Variants in FHIT observed in about 807,000 individuals in gnomAD.
The protein encoded by FHIT is fragile histidine triad diadenosine triphosphatase.
In FHIT, 19 loss-of-function variants were observed where a neutral mutation model predicts 17.9. That is an observed-to-expected ratio of 1.06 (90% CI 0.74 to 1.56). The LOEUF is 1.56. Ranked by LOEUF, FHIT falls within the 40% of genes most tolerant of loss-of-function variation. FHIT has a pLI of 0.00. For synonymous variants in FHIT, 81 were observed against 69.7 expected, an observed-to-expected ratio of 1.16 and a Z score of -0.81; for missense variants, 248 against 189.2, an observed-to-expected ratio of 1.31 and a Z score of -1.82.
At chr3:60,274,139 G>C (rs928009188) in intron 5 of FHIT, among the ~76,000 whole-genome samples, 3 of 152,048 alleles carry the variant, frequency 2.0e-5, no homozygotes, top group Non-Finnish European at 4.4e-5. Flanking sequence ...AGTTCAGCTT[G>C]AAAGTTCATC....
chr3:59,864,495 A>G (rs1702547251), intron 8 of FHIT, among the ~76,000 whole-genome samples: 2 of 152,056 alleles, frequency 1.3e-5, no homozygotes, highest in African/African-American at 2.4e-5. Flanking sequence ...TATCAGCAGC[A>G]TGAAAACAGA....
At chr3:60,259,014 G>A (rs1706159347) in intron 5 of FHIT, among the ~76,000 whole-genome samples, 1 of 151,118 alleles carries the variant, frequency 6.6e-6, no homozygotes, top group East Asian at 2.0e-4. Context: ...ATATCAAGAT[G>A]CCATATTTTG....
At chr3:60,060,762 G>A (rs1702264586) in intron 5 of FHIT, among the ~76,000 whole-genome samples, 1 of 152,138 alleles carries the variant, frequency 6.6e-6, no homozygotes, top group East Asian at 1.9e-4. Context: ...GAATGGTTTT[G>A]GTTTGTTTTC....
chr3:60,632,773 G>C (rs2039479699), intron 4 of FHIT, among the ~76,000 whole-genome samples: 1 of 151,830 alleles, frequency 6.6e-6, no homozygotes, highest in African/African-American at 2.4e-5. Flanking sequence ...TGTCACCGAG[G>C]AAAGGGTTAA....
intron 4 of FHIT, among the ~76,000 whole-genome samples, chr3:60,700,095 C>A (rs1553701731): frequency 6.8e-6 from 1 of 147,210 alleles, no homozygotes; most frequent in East Asian, 2.0e-4. Context: ...CACGCCACTG[C>A]ACTCCAGCCT....
chr3:60,097,799 G>T, intron 5 of FHIT, among the ~76,000 whole-genome samples: 1 of 149,064 alleles, frequency 6.7e-6, no homozygotes, highest in Admixed American at 6.7e-5. Flanking sequence ...GTGCCATGTT[G>T]GTGTGCTGCA....
At chr3:60,393,317 C>T (rs1262230938) in intron 5 of FHIT, among the ~76,000 whole-genome samples, 1 of 151,700 alleles carries the variant, frequency 6.6e-6, no homozygotes, top group African/African-American at 2.4e-5. Context: ...CTATTTTCCA[C>T]AAACTTTTTG....
chr3:60,388,785 T>G (rs990610207), intron 5 of FHIT, among the ~76,000 whole-genome samples: 2 of 152,224 alleles, frequency 1.3e-5, no homozygotes, highest in Non-Finnish European at 2.9e-5. Context: ...GTTCCAAGTT[T>G]CCATGCAGCA....
chr3:61,011,681 G>C (rs972838702), intron 3 of FHIT, among the ~76,000 whole-genome samples: 11 of 152,076 alleles, frequency 7.2e-5, no homozygotes, highest in Non-Finnish European at 2.9e-5. Flanking sequence ...GGGTATCATG[G>C]GGATGACAAT....
intron 3 of FHIT, among the ~76,000 whole-genome samples, chr3:60,965,302 C>T (rs1379920558): frequency 2.0e-5 from 3 of 152,178 alleles, no homozygotes; most frequent in African/African-American, 7.2e-5. Context: ...AAGTTCTTCT[C>T]TACACTGATT....
rs184665170 is a variant in FHIT, at chr3:60,714,672, C to A, written c.-18+107247G>T. The stretch of plus-strand genomic sequence containing the variant: ...AACAGAGAGCCAAATCATGAGTGAA[C>A]TCCCATTCACAACTGCTTCAAAGAG... On this transcript the variant is annotated intron_variant, in intron 4 of 9. Coordinates refer to ENST00000492590, the MANE Select transcript of FHIT (RefSeq NM_002012.4). Among the ~76,000 whole-genome samples, 1,196 of 152,224 alleles carry A rather than the reference C, an allele frequency of 7.9e-3. 9 individuals are homozygous for A. The highest frequency in any genetic ancestry group is 0.01 in the Middle Eastern group (3 of 294).
chr3:60,585,778 T>C (rs1476296179), intron 4 of FHIT, among the ~76,000 whole-genome samples: 2 of 152,052 alleles, frequency 1.3e-5, no homozygotes, highest in East Asian at 1.9e-4. Flanking sequence ...TCATTGTCAA[T>C]GAAAATATAT....
chr3:60,880,047 C>T lies in FHIT; in HGVS notation c.-110-58036G>A, dbSNP rs957960516. Among the ~76,000 whole-genome samples the T allele has an allele frequency of 2.0e-5, 3 of 151,982 alleles. No homozygotes were observed. In the South Asian group the frequency reaches 6.2e-4, roughly 31 times the overall value. ...TACAGATCCAGGAAACTCAAAGGTTCCCGAATAGATTCAAGCCCTGATGCA... is the reference window on the plus strand; with the variant it reads ...TACAGATCCAGGAAACTCAAAGGTTTCCGAATAGATTCAAGCCCTGATGCA... On this transcript the variant is annotated intron_variant, in intron 3 of 9. Transcript: ENST00000492590.
intron 7 of FHIT, among the ~76,000 whole-genome samples, chr3:59,951,523 C>T (rs535714768): frequency 1.1e-4 from 17 of 152,308 alleles, no homozygotes; most frequent in Non-Finnish European, 1.3e-4. Context: ...CATCAGTTTG[C>T]GATGCCTCAG....
chr3:60,000,820 C>T (rs1470477021), intron 7 of FHIT, among the ~76,000 whole-genome samples: 2 of 152,110 alleles, frequency 1.3e-5, no homozygotes, highest in Non-Finnish European at 2.9e-5. Context: ...CAGCATAAGT[C>T]CCAGTGTAAC....
chr3:60,346,489 G>C (rs1710787304), intron 5 of FHIT, among the ~76,000 whole-genome samples: 1 of 152,192 alleles, frequency 6.6e-6, no homozygotes, highest in Non-Finnish European at 1.5e-5. Context: ...CTTACCCAGG[G>C]GAGGAGCCTG....
chr3:60,618,488 G>A (rs1365827876), intron 4 of FHIT, among the ~76,000 whole-genome samples: 1 of 152,064 alleles, frequency 6.6e-6, no homozygotes, highest in East Asian at 1.9e-4. Context: ...ATGTGTTGAC[G>A]TGTGCTCATT....
At chr3:59,982,528 C>T (rs1005039443) in intron 7 of FHIT, among the ~76,000 whole-genome samples, 14 of 152,140 alleles carry the variant, frequency 9.2e-5, no homozygotes, top group Non-Finnish European at 1.5e-5. Context: ...TTTGGCCTTC[C>T]AGCTAAGATC....
In FHIT at chr3:60,085,476, T is replaced by C. The variant is rs17062124; in HGVS notation, c.104-71324A>G. ...TGTATATATTCCAAGATGTTTAATA[T>C]TGCTTTCCTGACAGTAGGGATTTTT... On this transcript the variant is annotated intron_variant, in intron 5 of 9. Coordinates refer to ENST00000492590, the MANE Select transcript of FHIT (RefSeq NM_002012.4). Among the ~76,000 whole-genome samples, 35 of 152,352 alleles carry C rather than the reference T, an allele frequency of 2.3e-4. No individual in the cohort carries two copies. The East Asian group carries it at 4.6e-3, about 20-fold the overall frequency.
Sources: allele counts gnomAD v4.1 joint callset (sites outside exome capture counted in the v4.1 genomes callset), GRCh38; gene constraint gnomAD v4.1.1; transcripts MANE v1.5; gene names NCBI Gene and HGNC (gene_info 2026-07-23, HGNC 2026-07-21).